PHTF2: variants seen among roughly 807,000 people sequenced by gnomAD.
The protein encoded by PHTF2 is putative homeodomain transcription factor 2.
PHTF2 carries 60 observed loss-of-function variants against 101.2 expected under a neutral mutation model. That is an observed-to-expected ratio of 0.59 (90% confidence interval 0.48 to 0.73). The LOEUF (loss-of-function observed/expected upper bound fraction) is 0.73, where lower values mean the gene tolerates loss of function less well. Among genes scored for constraint, PHTF2 ranks in the 30% least tolerant of loss-of-function variants. The probability of loss-of-function intolerance (pLI) is 0.00; values close to 1 mark genes in which losing one functional copy is unlikely to be tolerated. For missense variants in PHTF2, 747 were observed against 908.7 expected (o/e 0.82, Z 2.29); for synonymous variants, 311 against 307.3 (o/e 1.01, Z -0.13).
intron 3 of PHTF2, among the ~76,000 whole-genome samples, chr7:77,867,807 A>C (rs927079573): frequency 6.6e-6 from 1 of 152,238 alleles, no homozygotes; most frequent in Non-Finnish European, 1.5e-5. Context: ...AGTGTAATAA[A>C]GTAAATACTT....
chr7:77,817,021 A>G (rs773331625), intron 1 of PHTF2, among the ~76,000 whole-genome samples: 11 of 152,178 alleles, frequency 7.2e-5, no homozygotes, highest in Non-Finnish European at 1.3e-4. Flanking sequence ...TAGTGCTGCA[A>G]TAAACATGGG....
chr7:77,896,326 G>T (rs2150811116), intron 5 of PHTF2, among the ~76,000 whole-genome samples: 1 of 152,228 alleles, frequency 6.6e-6, no homozygotes, highest in Admixed American at 6.5e-5. Flanking sequence ...GGAGGCCCAG[G>T]TGGGAGGATT....
At chr7:77,896,881 G>C (rs1800921894) in intron 5 of PHTF2, among the ~76,000 whole-genome samples, 1 of 152,116 alleles carries the variant, frequency 6.6e-6, no homozygotes, top group Admixed American at 6.5e-5. Flanking sequence ...AGCTACTAGA[G>C]AAATCAAAGA....
intron 3 of PHTF2, among the ~76,000 whole-genome samples, chr7:77,887,483 A>G (rs1432608096): frequency 1.3e-5 from 2 of 152,232 alleles, no homozygotes; most frequent in Non-Finnish European, 2.9e-5. Flanking sequence ...ATGAGAAAAC[A>G]TACTAGAAGT....
rs368561959 is a variant in PHTF2, at chr7:77,820,472, C to T, written c.-35-19749C>T. Among the ~76,000 whole-genome samples, 4 of 152,212 alleles carry T rather than the reference C, an allele frequency of 2.6e-5. No individual in the cohort carries two copies. The East Asian group carries it at 5.8e-4, about 22-fold the overall frequency. ...GTTCAAGCAATCCTCCTGCTCCAGC[C>T]TTCTGAGTGGCTAGGACTATAGGTG... On this transcript the variant is annotated intron_variant, in intron 1 of 19. Transcript: ENST00000416283.
Position 77,940,039 on chromosome 7 carries a change from C to CAT in PHTF2, c.1481_1482dup (p.Pro495TyrfsTer4). ...CCCTGGCTCCCTCAAGGTGAACAGC[C>CAT]ATATACCAGGAATAGGATACCAGAT... On this transcript the variant is annotated frameshift_variant, in exon 14 of 20. Transcript: ENST00000416283. LOFTEE classifies it high-confidence loss of function. The CAT allele has an allele frequency of 6.2e-7, 1 of 1,612,060 alleles. No homozygotes were observed. Among genetic ancestry groups the CAT allele is most frequent in the South Asian group, 1.1e-5 (1 of 90,802 alleles).
At chr7:77,847,358 C>G (rs1381511841) in intron 2 of PHTF2, among the ~76,000 whole-genome samples, 1 of 152,022 alleles carries the variant, frequency 6.6e-6, no homozygotes, top group East Asian at 1.9e-4. Context: ...AACTACCATG[C>G]TTTATAGTAT....
In PHTF2 at chr7:77,854,563, G is replaced by A. The variant is rs150967571; in HGVS notation, c.46-170G>A. Reference sequence around the variant, plus strand: ...ATCAAGCTCCCCTGCCCTACTCCCCGTACCCCCCAACCCCAGCCCAGGGCA... The same window carrying A: ...ATCAAGCTCCCCTGCCCTACTCCCCATACCCCCCAACCCCAGCCCAGGGCA... On this transcript the variant is annotated intron_variant, in intron 2 of 19. Coordinates refer to ENST00000416283, the Ensembl canonical transcript of PHTF2. Among the ~76,000 whole-genome samples, 22 of 151,942 alleles carry A rather than the reference G, an allele frequency of 1.4e-4. No individual in the cohort carries two copies. The East Asian group carries it at 4.1e-3, about 28-fold the overall frequency.
rs777881524 is a variant in PHTF2, at chr7:77,932,602, A to AAGAG, written c.1338+3292_1338+3295dup. Among the ~76,000 whole-genome samples the AAGAG allele has an allele frequency of 1.2e-3, 158 of 130,036 alleles. 1 individual carries two copies. Among genetic ancestry groups the AAGAG allele is most frequent in the South Asian group, 2.3e-3 (9 of 3,898 alleles). The allele number at this position is 130,036 out of a possible 152,430, so 85.3% of individuals were successfully genotyped here. ...AGAAAGAGGAAGAGAGAGAGAGAGA[A>AAGAG]AGAGAGAGAGAGAGAGAGAGTGTGT... On this transcript the variant is annotated intron_variant, in intron 12 of 19. Transcript: ENST00000416283.
intron 1 of PHTF2, among the ~76,000 whole-genome samples, chr7:77,827,827 A>G (rs962976333): frequency 3.3e-5 from 5 of 151,820 alleles, no homozygotes; most frequent in African/African-American, 7.3e-5. Context: ...AGTTTTTAGT[A>G]GAAACTGAGT....
At chr7:77,823,721 A>G (rs978577656) in intron 1 of PHTF2, among the ~76,000 whole-genome samples, 7 of 151,896 alleles carry the variant, frequency 4.6e-5, no homozygotes, top group Non-Finnish European at 7.3e-5. Context: ...CTGTGTAGCT[A>G]GAATGTAAGG....
chr7:77,811,369 T>C (rs1261597405), intron 1 of PHTF2, among the ~76,000 whole-genome samples: 2 of 152,190 alleles, frequency 1.3e-5, no homozygotes, highest in South Asian at 4.1e-4. Flanking sequence ...AAGTCACTCT[T>C]TTATTCTCTG....
At chr7:77,920,529 A>G in intron 10 of PHTF2, 64 bp downstream of exon 9, 1 of 1,210,784 alleles carries the variant, frequency 8.3e-7, no homozygotes. Flanking sequence ...AAAGTGACTT[A>G]GATATAGTAG....
chr7:77,864,926 A>T (rs75408893), intron 3 of PHTF2, among the ~76,000 whole-genome samples: 2,039 of 152,054 alleles, frequency 0.013, 50 homozygotes, highest in African/African-American at 0.046. Flanking sequence ...ATATGTTTCC[A>T]CCTGTTGGAG....
chr7:77,807,327 A>C (rs1301510401), intron 1 of PHTF2, among the ~76,000 whole-genome samples: 3 of 152,036 alleles, frequency 2.0e-5, no homozygotes, highest in African/African-American at 7.2e-5. Flanking sequence ...CCAACAGTGC[A>C]CAAAGGCTCC....
intron 2 of PHTF2, among the ~76,000 whole-genome samples, chr7:77,847,056 A>G (rs541290438): frequency 1.2e-4 from 19 of 152,314 alleles, no homozygotes; most frequent in African/African-American, 4.3e-4. Flanking sequence ...CCATAAAATT[A>G]ATCAGTTCTG....
rs913422843 is a variant in PHTF2, at chr7:77,951,610, A to T, written c.2116-7A>T. ...AATTTGAAGCATTTCTATTCTTTTT[A>T]TAAAAGATAAACCTCTACTTGAAAA... On this transcript the variant is annotated splice_region_variant and splice_polypyrimidine_tract_variant and intron_variant, in intron 17 of 19. Transcript: ENST00000416283. 8.5e-7 allele frequency: 1 copy of T among 1,175,158 alleles called. No homozygotes were observed. Among genetic ancestry groups the T allele is most frequent in the Non-Finnish European group, 1.2e-6 (1 of 829,956 alleles). The allele number at this position is 1,175,158 out of a possible 1,614,324, so 72.8% of individuals were successfully genotyped here. A position where few individuals can be genotyped will look rare whatever the true frequency, so the allele number is the denominator to read the frequency against.
At chr7:77,851,624 G>C (rs892497761) in intron 2 of PHTF2, among the ~76,000 whole-genome samples, 1 of 144,532 alleles carries the variant, frequency 6.9e-6, no homozygotes, top group Non-Finnish European at 1.5e-5. Context: ...TTTGGAGACA[G>C]ATCTCACTGT....
intron 18 of PHTF2, among the ~76,000 whole-genome samples, 170 bp from the exon 18 acceptor site, chr7:77,953,599 C>G (rs1806738422): frequency 6.6e-6 from 1 of 152,176 alleles, no homozygotes; most frequent in Non-Finnish European, 1.5e-5. Context: ...ACCATTAAAA[C>G]TATTATTGAA....
Sources: gnomAD v4.1 joint callset for allele counts (sites outside exome capture counted in the v4.1 genomes callset) on GRCh38, gnomAD v4.1.1 for gene constraint, MANE v1.5 for transcripts, NCBI Gene and HGNC (gene_info 2026-07-23, HGNC 2026-07-21) for gene names.